ADAMTS18: variants seen among roughly 807,000 people sequenced by gnomAD.
The protein encoded by ADAMTS18 is ADAM metallopeptidase with thrombospondin type 1 motif 18, also known as A disintegrin and metalloproteinase with thrombospondin motifs 18.
Under a neutral mutation model 165.9 loss-of-function variants are expected in ADAMTS18, and 157 were observed. That is an observed-to-expected ratio of 0.95 (90% CI 0.83 to 1.08). The LOEUF is 1.08. Ranked by LOEUF, ADAMTS18 falls within the 50% of genes least tolerant of loss-of-function variation. The pLI is 0.00. For synonymous variants in ADAMTS18, 782 were observed against 578.2 expected, an observed-to-expected ratio of 1.35 and a Z score of -5.06; for missense variants, 2,040 against 1,534.0, an observed-to-expected ratio of 1.33 and a Z score of -5.51.
chr16:77,339,426 T>C (rs2056364682), intron 11 of ADAMTS18, among the ~76,000 whole-genome samples: 1 of 152,112 alleles, frequency 6.6e-6, no homozygotes, highest in Non-Finnish European at 1.5e-5. Flanking sequence ...TATCTCGTGT[T>C]CTGTTTACTG....
intron 4 of ADAMTS18, 144 bp from the exon 5 acceptor site, chr16:77,364,525 T>A: frequency 1.2e-6 from 1 of 856,682 alleles, no homozygotes; most frequent in Non-Finnish European, 1.8e-6. Context: ...TATCAGTGCC[T>A]GCCCAGGTGC....
At chr16:77,401,990 G>A (rs184119687) in intron 3 of ADAMTS18, among the ~76,000 whole-genome samples, 1 of 152,102 alleles carries the variant, frequency 6.6e-6, no homozygotes, top group Non-Finnish European at 1.5e-5. Flanking sequence ...TCGGACTCAG[G>A]TCAAATCACA....
intron 4 of ADAMTS18, among the ~76,000 whole-genome samples, chr16:77,366,013 A>G (rs2056788072): frequency 6.6e-6 from 1 of 152,260 alleles, no homozygotes; most frequent in South Asian, 2.1e-4. Context: ...CTAAATCATT[A>G]CTCTATATAT....
Position 77,364,107 on chromosome 16 carries a change from C to T in ADAMTS18, c.972+81G>A, listed in dbSNP as rs556294115. 9 of 1,559,072 alleles carry T rather than the reference C, an allele frequency of 5.8e-6. No individual in the cohort carries two copies. The East Asian group carries it at 2.0e-4, about 35-fold the overall frequency. Reference sequence around the variant, plus strand: ...TTACATTTGCACCGACCTAATACACCTGCTATTCAACCCATGCAAGAGAAT... The same window carrying T: ...TTACATTTGCACCGACCTAATACACTTGCTATTCAACCCATGCAAGAGAAT... On this transcript the variant is annotated intron_variant, in intron 5 of 22. Coordinates refer to ENST00000282849, the MANE Select transcript of ADAMTS18 (RefSeq NM_199355.4).
At chr16:77,310,422 G>T (rs1043107667) in intron 16 of ADAMTS18, among the ~76,000 whole-genome samples, 9 of 152,134 alleles carry the variant, frequency 5.9e-5, no homozygotes, top group African/African-American at 1.2e-4. Context: ...CTGAAATGAG[G>T]AAACTGGGAC....
chr16:77,408,307 T>G (rs574250864), intron 3 of ADAMTS18, among the ~76,000 whole-genome samples: 107 of 152,306 alleles, frequency 7.0e-4, no homozygotes, highest in African/African-American at 2.5e-3. Flanking sequence ...CTACCGAAGC[T>G]GAATTTGCAC....
At chr16:77,331,497 G>T (rs2056188797) in intron 12 of ADAMTS18, among the ~76,000 whole-genome samples, 1 of 152,004 alleles carries the variant, frequency 6.6e-6, no homozygotes, top group African/African-American at 2.4e-5. Context: ...TTTTAATACT[G>T]TTATTAAAAC....
chr16:77,301,075 A>G (rs2055573467), intron 16 of ADAMTS18, among the ~76,000 whole-genome samples: 2 of 152,334 alleles, frequency 1.3e-5, no homozygotes, highest in South Asian at 4.1e-4. Flanking sequence ...AGAATCAGCA[A>G]TTGGAATACA....
rs760054443 is a variant in ADAMTS18, at chr16:77,367,576, G to C, written c.643C>G (p.Arg215Gly). Residue 215 changes from arginine to glycine, a missense_variant, in exon 4 of 23, where the codon CGT becomes GGT. Physicochemically the swap from Arg to Gly is moderately radical, Grantham distance 125 (BLOSUM62 -2). Transcript: ENST00000282849. ...TTCCGGCCAGAGCCGGGGTAGCCACGGTACCGCTGGATCTTCTCCTCTGCT... is the reference window on the plus strand; with the variant it reads ...TTCCGGCCAGAGCCGGGGTAGCCACCGTACCGCTGGATCTTCTCCTCTGCT... ...RTAEEKIQRY[R>G]GYPGSGRNYP... 6 of 1,614,234 alleles carry C rather than the reference G, an allele frequency of 3.7e-6. No homozygotes were observed. The highest frequency in any genetic ancestry group is 5.1e-6 in the Non-Finnish European group (6 of 1,180,042).
intron 3 of ADAMTS18, among the ~76,000 whole-genome samples, chr16:77,386,395 A>T (rs2057108089): frequency 6.6e-6 from 1 of 152,212 alleles, no homozygotes; most frequent in Non-Finnish European, 1.5e-5. Context: ...GGACTTCGAC[A>T]GGTTTTGTTT....
chr16:77,312,022 A>G (rs2055790884), intron 16 of ADAMTS18, among the ~76,000 whole-genome samples: 1 of 152,162 alleles, frequency 6.6e-6, no homozygotes, highest in South Asian at 2.1e-4. Context: ...AAAACATATT[A>G]TACATATCCA....
rs774576575 is a variant in ADAMTS18 at position 77,364,374 on chromosome 16, G to C, written c.786C>G (p.Pro262=). 2.2e-5 allele frequency: 36 copies of C among 1,613,470 alleles called. No homozygotes were observed. The East Asian group carries it at 8.0e-4, about 36-fold the overall frequency. The change falls in exon 5 of 23, where the codon CCC becomes CCG. Residue 262 remains proline, a synonymous_variant. Transcript: ENST00000282849. ...GATAGGTGTCCTCTGTGGGAGGCTT[G>C]GGAGCATCTACGATGAACAGAAGAG... ...HFCGRRKKYA[P]KPPTEDTYLR... is the part of the protein sequence containing the mutation.
intron 2 of ADAMTS18, among the ~76,000 whole-genome samples, chr16:77,434,169 C>G (rs1234188626): frequency 6.8e-6 from 1 of 147,624 alleles, no homozygotes; most frequent in Non-Finnish European, 1.5e-5. Flanking sequence ...TTTTCTTGTT[C>G]TTCTTAACAA....
chr16:77,408,790 G>C (rs1054124639), intron 3 of ADAMTS18, among the ~76,000 whole-genome samples: 3 of 152,116 alleles, frequency 2.0e-5, no homozygotes, highest in Non-Finnish European at 4.4e-5. Flanking sequence ...GGTTAGAGGA[G>C]TGTGGCCACT....
intron 15 of ADAMTS18, 149 bp from the exon 16 acceptor site, chr16:77,320,242 G>C: frequency 3.0e-6 from 3 of 1,006,610 alleles, no homozygotes; most frequent in Non-Finnish European, 4.5e-6. Flanking sequence ...AAGTAAACAT[G>C]ATCAATGATT....
chr16:77,337,384 A>T (rs932801609), intron 11 of ADAMTS18, among the ~76,000 whole-genome samples: 1 of 152,242 alleles, frequency 6.6e-6, no homozygotes, highest in Admixed American at 6.5e-5. Flanking sequence ...AATGATGCAG[A>T]GAGCTTCACA....
Position 77,293,112 on chromosome 16 carries a change from G to A in ADAMTS18, c.3153C>T (p.Asn1051=), listed in dbSNP as rs769604667. The change falls in exon 20 of 23, where the codon AAC becomes AAT. Residue 1051 remains asparagine (N), a synonymous_variant. Transcript: ENST00000282849. ...EGCVLGRCPK[N]SRLQWVASSW... is the part of the protein sequence containing the mutation. ...AAGAAGCGACCCACTGTAGCCGGCT[G>A]TTCTTGGGGCATCGTCCAAGCACAC... The A allele has an allele frequency of 6.2e-7, 1 of 1,614,052 alleles. No individual in the cohort carries two copies. The highest frequency in any genetic ancestry group is 8.5e-7 in the Non-Finnish European group (1 of 1,180,006).
intron 13 of ADAMTS18, 31 bp from the exon 14 acceptor site, chr16:77,322,497 G>C: frequency 1.2e-6 from 2 of 1,612,532 alleles, no homozygotes; most frequent in African/African-American, 1.3e-5. Context: ...ATAGGAAATG[G>C]TCAAGAGGAA....
chr16:77,354,777 T>C (rs993578126), intron 9 of ADAMTS18, among the ~76,000 whole-genome samples: 1 of 152,356 alleles, frequency 6.6e-6, no homozygotes, highest in South Asian at 2.1e-4. Flanking sequence ...TTATCATTAT[T>C]ATAACATTTA....
Sources: allele counts gnomAD v4.1 joint callset (sites outside exome capture counted in the v4.1 genomes callset), GRCh38; gene constraint gnomAD v4.1.1; transcripts MANE v1.5; gene names NCBI Gene and HGNC (gene_info 2026-07-23, HGNC 2026-07-21).